KIF1A: variants seen among roughly 807,000 people sequenced by gnomAD.
KIF1A encodes kinesin-like protein KIF1A.
Under a neutral mutation model 227.3 loss-of-function variants are expected in KIF1A, and 46 were observed. The ratio of observed to expected loss-of-function variants is 0.20; its 90% CI spans 0.16 to 0.26. The LOEUF is 0.26. KIF1A is among the 10% of genes least tolerant of loss of function. KIF1A has a pLI of 1.00. For synonymous variants in KIF1A, 1,022 were observed against 1,012.8 expected (o/e 1.01, Z -0.17); for missense variants, 1,683 against 2,485.9 (o/e 0.68, Z 6.87).
chr2:240,782,682 C>T (rs988407719), intron 9 of KIF1A, 75 bp from the exon 10 acceptor site: 1 of 1,470,298 alleles, frequency 6.8e-7, no homozygotes, highest in Non-Finnish European at 9.3e-7. Context: ...GAAGAGCAGG[C>T]GGCCCGGCTG....
chr2:240,762,319 G>A (rs1315346040), intron 23 of KIF1A, among the ~76,000 whole-genome samples: 2 of 152,210 alleles, frequency 1.3e-5, no homozygotes, highest in African/African-American at 2.4e-5. Flanking sequence ...ACTCTTCCTC[G>A]GGGGCCCCAT....
intron 25 of KIF1A, among the ~76,000 whole-genome samples, chr2:240,759,621 C>T (rs923272644): frequency 5.3e-5 from 8 of 152,260 alleles, no homozygotes; most frequent in South Asian, 4.1e-4. Flanking sequence ...CAGGGTGGGG[C>T]GTGCCATGCT....
At chr2:240,781,994 G>A in intron 10 of KIF1A, 3 of 985,350 alleles carry the variant, frequency 3.0e-6, no homozygotes, top group Non-Finnish European at 3.6e-6. Flanking sequence ...AGCACCTCGC[G>A]GATCCCCGTG....
chr2:240,786,600 G>GCCAC, intron 5 of KIF1A, 87 bp from the exon 6 acceptor site: 1 of 1,281,290 alleles, frequency 7.8e-7, no homozygotes, highest in South Asian at 1.2e-5. Flanking sequence ...GGGGGTAGGG[G>GCCAC]TCAACATAAG....
chr2:240,818,206 G>A lies in KIF1A; in HGVS notation c.-61+1916C>T, dbSNP rs969307731. ...CTCTGTCCACCCTGCGGACCTGCCCGGGGAGGACACCTGCAGGGCCTCAGA... is the reference window on the plus strand; with the variant it reads ...CTCTGTCCACCCTGCGGACCTGCCCAGGGAGGACACCTGCAGGGCCTCAGA... On this transcript the variant is annotated intron_variant, in intron 1 of 48. Coordinates refer to ENST00000498729, the MANE Select transcript of KIF1A (RefSeq NM_001244008.2). Among the ~76,000 whole-genome samples, 5 of 152,068 alleles carry A rather than the reference G, an allele frequency of 3.3e-5. 1 individual carries two copies. Among genetic ancestry groups the A allele is most frequent in the Admixed American group, 3.3e-4 (5 of 15,272 alleles).
chr2:240,736,831 A>G lies in KIF1A; in HGVS notation c.4007+232T>C, dbSNP rs903466001. Among the ~76,000 whole-genome samples, 2 of 152,128 alleles carry G rather than the reference A, an allele frequency of 1.3e-5. No individual in the cohort carries two copies. The highest frequency in any genetic ancestry group is 2.4e-5 in the African/African-American group (1 of 41,432). On this transcript the variant is annotated intron_variant, in intron 38 of 48. Coordinates refer to ENST00000498729, the MANE Select transcript of KIF1A (RefSeq NM_001244008.2). This position sits in a 1 kb window ranked among gnomAD's most constrained non-coding sequence, Gnocchi z 4.7. ...TGCGCTGGCCCCTCTGCTTGGTGAT[A>G]AACAAATGGGCATGGGGATGCCTGA...
At chr2:240,721,740 T>C in intron 44 of KIF1A, 67 bp downstream of exon 44, 1 of 1,310,840 alleles carries the variant, frequency 7.6e-7, no homozygotes, top group South Asian at 1.2e-5. Context: ...GGAGTTTTCC[T>C]CAGGGACCAC....
chr2:240,734,646 G>C, intron 38 of KIF1A: 1 of 1,174,864 alleles, frequency 8.5e-7, no homozygotes, highest in Non-Finnish European at 1.1e-6. Flanking sequence ...ATGGGGGGCG[G>C]TCAGGGGAGG....
chr2:240,720,225 C>T (rs1397688405), intron 45 of KIF1A: 1 of 301,694 alleles, frequency 3.3e-6, no homozygotes, highest in Non-Finnish European at 6.1e-6. Flanking sequence ...CTGCCCCCAC[C>T]TCCACCCTGT....
In KIF1A at chr2:240,740,190, C is replaced by A; in HGVS notation, c.3817-48G>T. 1.9e-6 allele frequency: 3 copies of A among 1,572,612 alleles called. No homozygotes were observed. The highest frequency in any genetic ancestry group is 2.3e-5 in the East Asian group (1 of 43,572). ...TATGGTCAGACGGCTCAGGGGGCTA[C>A]GTAGGGTGAGGGAGGGGGACACAGG... On this transcript the variant is annotated intron_variant, in intron 36 of 48. Coordinates refer to ENST00000498729, the MANE Select transcript of KIF1A (RefSeq NM_001244008.2). The surrounding 1 kb of genome is among the most constrained non-coding windows in gnomAD (Gnocchi z 6.1).
Position 240,740,035 on chromosome 2 carries a change from G to C in KIF1A, c.3901+23C>G. 6.4e-7 allele frequency: 1 copy of C among 1,557,416 alleles called. No individual in the cohort carries two copies. Among genetic ancestry groups the C allele is most frequent in the Non-Finnish European group, 8.7e-7 (1 of 1,148,614 alleles). On this transcript the variant is annotated intron_variant, in intron 37 of 48. Coordinates refer to ENST00000498729, the MANE Select transcript of KIF1A (RefSeq NM_001244008.2). This position sits in a 1 kb window ranked among gnomAD's most constrained non-coding sequence, Gnocchi z 6.1. ...CCACCAGCTCAGCCCCACCCACCAAGGCAGCCCCCACACCGCACTCACCCA... is the reference window on the plus strand; with the variant it reads ...CCACCAGCTCAGCCCCACCCACCAACGCAGCCCCCACACCGCACTCACCCA...
Position 240,725,123 on chromosome 2 carries a change from G to A in KIF1A, c.4256+148C>T. Reference sequence around the variant, plus strand: ...CATCTAGGGTGAGCAGGAGGGGACTGAGCGCAGGGAGCCAGCCAGGAGTGT... The same window carrying A: ...CATCTAGGGTGAGCAGGAGGGGACTAAGCGCAGGGAGCCAGCCAGGAGTGT... On this transcript the variant is annotated intron_variant, in intron 40 of 48. Transcript: ENST00000498729. This position sits in a 1 kb window ranked among gnomAD's most constrained non-coding sequence, Gnocchi z 5.8. 1.3e-6 allele frequency: 1 copy of A among 769,996 alleles called. No homozygotes were observed. The highest frequency in any genetic ancestry group is 2.1e-6 in the Non-Finnish European group (1 of 478,218). 47.7% of individuals were successfully genotyped at this position (769,996 alleles called of 1,614,324 possible). A position where few individuals can be genotyped will look rare whatever the true frequency, so the allele number is the denominator to read the frequency against.
rs145200536 is a variant in KIF1A at position 240,721,118 on chromosome 2, G to A, written c.4744-80C>T. 1.5e-3 allele frequency: 2,305 copies of A among 1,554,028 alleles called. 35 individuals carry two copies. In the African/African-American group the frequency reaches 0.025, roughly 17 times the overall value. ...TGTGGGAGCTGCTCCCTGTGCCTGC[G>A]CTTACCCCACACCTGCTGCTTAGGG... On this transcript the variant is annotated intron_variant, in intron 44 of 48. Coordinates refer to ENST00000498729, the MANE Select transcript of KIF1A (RefSeq NM_001244008.2).
chr2:240,797,895 C>A (rs991833508), intron 1 of KIF1A, 83 bp from the exon 2 acceptor site: 4 of 606,300 alleles, frequency 6.6e-6, no homozygotes. Context: ...AGCCACAGGT[C>A]TTTTCCACTC....
At chr2:240,821,052 G>C (rs2058673231), upstream of KIF1A, among the ~76,000 whole-genome samples, 1 of 152,148 alleles carries the variant, frequency 6.6e-6, no homozygotes, top group Non-Finnish European at 1.5e-5. Flanking sequence ...CTCTGTGCGC[G>C]CCACCGTCCT....
intron 1 of KIF1A, among the ~76,000 whole-genome samples, chr2:240,811,818 G>T (rs1354938324): frequency 6.6e-6 from 1 of 152,146 alleles, no homozygotes; most frequent in Non-Finnish European, 1.5e-5. Flanking sequence ...TGGCAGGGTG[G>T]GGTCTGCGCT....
chr2:240,794,996 G>A (rs1282464829), intron 2 of KIF1A, among the ~76,000 whole-genome samples: 2 of 152,282 alleles, frequency 1.3e-5, no homozygotes, highest in Middle Eastern at 3.4e-3. Flanking sequence ...CTGAGTCCAC[G>A]GCCCTTTCCT....
intron 38 of KIF1A, among the ~76,000 whole-genome samples, chr2:240,732,266 G>T (rs1448061600): frequency 8.5e-6 from 1 of 117,358 alleles, no homozygotes; most frequent in Admixed American, 8.1e-5. Flanking sequence ...GAGGGGAGGA[G>T]GGATGAAGGG....
chr2:240,722,088 G>A (rs1011760993), intron 43 of KIF1A, among the ~76,000 whole-genome samples: 1 of 152,212 alleles, frequency 6.6e-6, no homozygotes, highest in Non-Finnish European at 1.5e-5. Context: ...CACCGGCTGA[G>A]GGCCTGGTGT....
Sources: gnomAD v4.1 joint callset for allele counts (sites outside exome capture counted in the v4.1 genomes callset) on GRCh38, gnomAD v4.1.1 for gene constraint, Gnocchi (gnomAD v3.1) non-coding constraint, MANE v1.5 for transcripts, NCBI Gene and HGNC (gene_info 2026-07-23, HGNC 2026-07-21) for gene names.